ERBB4: variants seen among roughly 807,000 people sequenced by gnomAD.
The protein encoded by ERBB4 is erb-b2 receptor tyrosine kinase 4, also known as receptor tyrosine-protein kinase erbB-4.
ERBB4 carries 42 observed loss-of-function variants against 158.0 expected under a neutral mutation model. The observed-to-expected ratio is 0.27, with a 90% confidence interval of 0.21 to 0.34. ERBB4 has a LOEUF of 0.34. Ranked by LOEUF, ERBB4 falls within the 10% of genes least tolerant of loss-of-function variation. ERBB4 has a pLI of 1.00. For synonymous variants in ERBB4, 583 were observed against 558.7 expected, an observed-to-expected ratio of 1.04 and a Z score of -0.61; for missense variants, 1,333 against 1,624.1, an observed-to-expected ratio of 0.82 and a Z score of 3.08.
chr2:212,003,629 TAAG>T (rs984486923), intron 2 of ERBB4, among the ~76,000 whole-genome samples: 1 of 152,164 alleles, frequency 6.6e-6, no homozygotes, highest in Admixed American at 6.5e-5. Context: ...AAAAATATTC[TAAG>T]AAATAAAATA....
intron 1 of ERBB4, among the ~76,000 whole-genome samples, chr2:212,209,469 C>T (rs1216036002): frequency 1.3e-5 from 2 of 152,068 alleles, no homozygotes; most frequent in Admixed American, 6.6e-5. Context: ...TCCTGACATT[C>T]CACAGTGGGT....
chr2:212,455,142 C>A (rs1688215379), intron 1 of ERBB4, among the ~76,000 whole-genome samples: 1 of 152,086 alleles, frequency 6.6e-6, no homozygotes, highest in Non-Finnish European at 1.5e-5. Context: ...ACTTCATTAC[C>A]TTTTTCCATT....
intron 4 of ERBB4, among the ~76,000 whole-genome samples, chr2:211,758,317 T>C (rs1007348286): frequency 1.3e-5 from 2 of 152,130 alleles, no homozygotes; most frequent in African/African-American, 4.8e-5. Context: ...GAAATGAACT[T>C]CAAAGAAAAT....
intron 1 of ERBB4, among the ~76,000 whole-genome samples, chr2:212,408,934 A>C (rs1196872618): frequency 2.0e-5 from 3 of 152,310 alleles, no homozygotes; most frequent in African/African-American, 7.2e-5. Context: ...ATCCACATGT[A>C]GTTTCTCATA....
At chr2:211,842,727 A>T (rs142934910) in intron 3 of ERBB4, among the ~76,000 whole-genome samples, 1 of 152,268 alleles carries the variant, frequency 6.6e-6, no homozygotes, top group Non-Finnish European at 1.5e-5. Flanking sequence ...TCAAGATTTA[A>T]TTCTCTATTT....
chr2:212,344,375 C>T (rs1360251105), intron 1 of ERBB4, among the ~76,000 whole-genome samples: 2 of 152,078 alleles, frequency 1.3e-5, no homozygotes, highest in African/African-American at 4.8e-5. Context: ...CCAGACCTTG[C>T]TAAATGTCCC....
chr2:212,177,040 C>A (rs10180270), intron 1 of ERBB4, among the ~76,000 whole-genome samples: 16,168 of 151,070 alleles, frequency 0.11, 1,019 homozygotes, highest in Non-Finnish European at 0.14. Context: ...GCAACATCTT[C>A]AAAAAAAATT....
intron 2 of ERBB4, among the ~76,000 whole-genome samples, chr2:211,971,267 T>C (rs1364673899): frequency 2.0e-5 from 3 of 152,162 alleles, no homozygotes; most frequent in African/African-American, 7.2e-5. Context: ...CTGGCTTCCC[T>C]TGGTAGTTGA....
chr2:212,414,251 T>A (rs1654912876), intron 1 of ERBB4, among the ~76,000 whole-genome samples: 1 of 152,248 alleles, frequency 6.6e-6, no homozygotes, highest in South Asian at 2.1e-4. Context: ...TATAGAGGAA[T>A]GTTTTGTAAA....
intron 20 of ERBB4, among the ~76,000 whole-genome samples, chr2:211,465,386 G>T (rs2064654495): frequency 6.7e-6 from 1 of 150,364 alleles, no homozygotes; most frequent in South Asian, 2.1e-4. Flanking sequence ...CTAAGTTTTG[G>T]GATGAATTTT....
chr2:212,384,209 A>C (rs758499297), intron 1 of ERBB4, among the ~76,000 whole-genome samples: 10 of 151,628 alleles, frequency 6.6e-5, no homozygotes, highest in Non-Finnish European at 1.3e-4. Flanking sequence ...TATCTGTAGA[A>C]GTTTATGAGA....
chr2:212,401,005 CTA>C (rs1264180443), intron 1 of ERBB4, among the ~76,000 whole-genome samples: 2 of 152,104 alleles, frequency 1.3e-5, no homozygotes, highest in Non-Finnish European at 1.5e-5. Flanking sequence ...CTAGAGAATG[CTA>C]TGTTTTGGTT....
intron 1 of ERBB4, among the ~76,000 whole-genome samples, chr2:212,455,541 C>T (rs550243032): frequency 6.9e-6 from 1 of 144,276 alleles, no homozygotes; most frequent in Non-Finnish European, 1.5e-5. Flanking sequence ...TTTATTTTGA[C>T]ACTCTAAATT....
chr2:212,052,054 A>G (rs1297459066), intron 2 of ERBB4, among the ~76,000 whole-genome samples: 3 of 152,164 alleles, frequency 2.0e-5, no homozygotes, highest in Non-Finnish European at 4.4e-5. Flanking sequence ...GGAGATTAAC[A>G]TTTGAGTCAG....
chr2:211,540,158 C>A (rs935278288), intron 20 of ERBB4, among the ~76,000 whole-genome samples: 5 of 150,864 alleles, frequency 3.3e-5, no homozygotes, highest in Non-Finnish European at 7.4e-5. Flanking sequence ...GATACCTGCA[C>A]CCATTAATAT....
At position 211,683,329 on chromosome 2, in the gene ERBB4, C is replaced by T. The variant is rs114244433; in HGVS notation, c.1490-4145G>A. On this transcript the variant is annotated intron_variant, in intron 12 of 27. Transcript: ENST00000342788. ...TATCTTCACACTGACTTGTCTCCCA[C>T]CTTCCCTTTAAACTTACCCATTAGA... is the stretch of plus-strand genomic sequence containing the variant. Among the ~76,000 whole-genome samples, 820 of 152,212 alleles carry T rather than the reference C, an allele frequency of 5.4e-3. 6 individuals carry two copies. The highest frequency in any genetic ancestry group is 0.01 in the Non-Finnish European group (685 of 67,990).
chr2:211,955,397 C>A lies in ERBB4; in HGVS notation c.235-7781G>T, dbSNP rs73079336. Among the ~76,000 whole-genome samples, 744 of 152,152 alleles carry A rather than the reference C, an allele frequency of 4.9e-3. 8 individuals are homozygous for A. The highest frequency in any genetic ancestry group is 0.017 in the African/African-American group (700 of 41,522). On this transcript the variant is annotated intron_variant, in intron 2 of 27. Coordinates refer to ENST00000342788, the MANE Select transcript of ERBB4 (RefSeq NM_005235.3). ...TTTTTGTCCTTTATATTTTCCTGAG[C>A]TGGCTGGAGGGTTAATAGTCCCCCT... is the stretch of plus-strand genomic sequence containing the variant.
chr2:212,069,445 A>T (rs1296199947), intron 2 of ERBB4, among the ~76,000 whole-genome samples: 1 of 152,072 alleles, frequency 6.6e-6, no homozygotes, highest in East Asian at 1.9e-4. Flanking sequence ...TAAAAAACCC[A>T]CAGCTAACAT....
intron 1 of ERBB4, among the ~76,000 whole-genome samples, chr2:212,436,769 A>G (rs1013400847): frequency 6.6e-6 from 1 of 152,114 alleles, no homozygotes; most frequent in East Asian, 1.9e-4. Context: ...CATGAACATA[A>G]CTAGAATGGC....
Sources: gnomAD v4.1 joint callset for allele counts (sites outside exome capture counted in the v4.1 genomes callset) on GRCh38, gnomAD v4.1.1 for gene constraint, MANE v1.5 for transcripts, NCBI Gene and HGNC (gene_info 2026-07-23, HGNC 2026-07-21) for gene names.